Variants in COL19A1 observed in about 807,000 individuals in gnomAD.
COL19A1 encodes collagen type XIX alpha 1 chain, also known as collagen alpha-1(XIX) chain.
In COL19A1, 159 loss-of-function variants were observed where a neutral mutation model predicts 190.2. The observed-to-expected ratio is 0.84, with a 90% confidence interval of 0.73 to 0.95. The LOEUF is 0.95. Among genes scored for constraint, COL19A1 ranks in the 40% least tolerant of loss-of-function variants. The pLI is 0.00. For synonymous variants in COL19A1, 509 were observed against 458.9 expected (o/e 1.11, Z -1.39); for missense variants, 1,418 against 1,431.9 (o/e 0.99, Z 0.16).
At chr6:70,099,025 C>T (rs575676374) in intron 15 of COL19A1, among the ~76,000 whole-genome samples, 13 of 136,628 alleles carry the variant, frequency 9.5e-5, no homozygotes, top group Non-Finnish European at 1.8e-4. Context: ...AGTTCGAGAC[C>T]AGCCTGGGCA....
At chr6:70,089,713 C>T (rs948298553) in intron 15 of COL19A1, among the ~76,000 whole-genome samples, 6 of 152,076 alleles carry the variant, frequency 3.9e-5, no homozygotes, top group Non-Finnish European at 7.4e-5. Context: ...GAAAATTCAT[C>T]CTGACATGTT....
At chr6:70,059,943 G>C (rs960442853) in intron 14 of COL19A1, 1 of 337,016 alleles carries the variant, frequency 3.0e-6, no homozygotes, top group Non-Finnish European at 5.8e-6. Flanking sequence ...AAATCCACAG[G>C]CTATGCAAAT....
At position 70,055,781 on chromosome 6, in the gene COL19A1, TAAAAAAAA is replaced by T. The variant is rs55871207; in HGVS notation, c.1171-12625_1171-12618del. Among the ~76,000 whole-genome samples, 8 of 117,448 alleles carry T rather than the reference TAAAAAAAA, an allele frequency of 6.8e-5. No individual in the cohort carries two copies. In the East Asian group the frequency reaches 7.3e-4, roughly 11 times the overall value. The allele number at this position is 117,448 out of a possible 152,430, so 77.1% of individuals were successfully genotyped here. ...TGGGAGACAGAGCAAAACTCTGTAT[TAAAAAAAA>T]AAAAAAAAAAAAAAAATTCACATTT... On this transcript the variant is annotated intron_variant, in intron 14 of 50. Coordinates refer to ENST00000620364, the MANE Select transcript of COL19A1 (RefSeq NM_001858.6).
At chr6:70,176,177 G>C (rs1230017617) in intron 41 of COL19A1, among the ~76,000 whole-genome samples, 12 of 152,128 alleles carry the variant, frequency 7.9e-5, no homozygotes, top group Non-Finnish European at 1.5e-5. Flanking sequence ...CAAGAGTAAT[G>C]ATCTTTTGAA....
chr6:70,195,437 C>T (rs945298996), intron 48 of COL19A1, among the ~76,000 whole-genome samples: 8 of 152,168 alleles, frequency 5.3e-5, no homozygotes, highest in African/African-American at 1.4e-4. Context: ...TAAGTCTTTA[C>T]TCTCAGTCTG....
chr6:69,952,954 A>G lies in COL19A1; in HGVS notation c.937-7042A>G, dbSNP rs1774204946. ...TAATGCTTCAGAGACTCAGAAACTT[A>G]TAGGCAAGTAGTATAAAAGCTAGAG... On this transcript the variant is annotated intron_variant, in intron 9 of 50. Coordinates refer to ENST00000620364, the MANE Select transcript of COL19A1 (RefSeq NM_001858.6). 2.0e-5 allele frequency among the ~76,000 whole-genome samples: 3 copies of G among 152,146 alleles called. No homozygotes were observed. In the South Asian group the frequency reaches 6.2e-4, roughly 32 times the overall value.
Position 70,176,668 on chromosome 6 carries a change from C to T in COL19A1, c.2667+104C>T, listed in dbSNP as rs1172410056. 6.0e-6 allele frequency: 6 copies of T among 1,001,800 alleles called. No individual in the cohort carries two copies. The Admixed American group carries it at 1.6e-4, about 26-fold the overall frequency. The allele number at this position is 1,001,800 out of a possible 1,614,324, so 62.1% of individuals were successfully genotyped here. ...ACAGGCAGGAGAGCATACCATAACT[C>T]CCATGGCATTAGGTTCCTGACAATT... On this transcript the variant is annotated intron_variant, in intron 42 of 50. Coordinates refer to ENST00000620364, the MANE Select transcript of COL19A1 (RefSeq NM_001858.6).
At chr6:70,182,995 G>T (rs562927428) in intron 44 of COL19A1, among the ~76,000 whole-genome samples, 2 of 152,104 alleles carry the variant, frequency 1.3e-5, no homozygotes, top group Non-Finnish European at 2.9e-5. Context: ...GGTGAGAGGG[G>T]TCTCTTTTGT....
intron 16 of COL19A1, among the ~76,000 whole-genome samples, chr6:70,121,473 A>C (rs1350572920): frequency 1.3e-5 from 2 of 152,212 alleles, no homozygotes; most frequent in Admixed American, 1.3e-4. Context: ...TTCCCAATTT[A>C]CTAAGTTAAT....
At chr6:69,926,332 A>G (rs1772393452) in intron 4 of COL19A1, among the ~76,000 whole-genome samples, 1 of 152,204 alleles carries the variant, frequency 6.6e-6, no homozygotes, top group Non-Finnish European at 1.5e-5. Flanking sequence ...CATTAAACTT[A>G]CTTAACAATA....
chr6:69,928,131 T>A, intron 5 of COL19A1, 99 bp downstream of exon 5: 1 of 1,470,678 alleles, frequency 6.8e-7, no homozygotes. Flanking sequence ...AGATCTAGTA[T>A]CCAAATGTTC....
intron 8 of COL19A1, 120 bp from the exon 9 acceptor site, chr6:69,937,918 C>A: frequency 1.2e-6 from 1 of 859,008 alleles, no homozygotes; most frequent in Non-Finnish European, 1.8e-6. Flanking sequence ...TCACTCTAAG[C>A]ATCAGCTCAG....
chr6:70,022,452 G>A (rs1778467027), intron 11 of COL19A1, among the ~76,000 whole-genome samples: 1 of 152,174 alleles, frequency 6.6e-6, no homozygotes, highest in African/African-American at 2.4e-5. Context: ...TTCTCACAGT[G>A]TTGTTTCTAA....
At chr6:70,169,456 T>G (rs1042459931) in intron 40 of COL19A1, among the ~76,000 whole-genome samples, 1 of 152,130 alleles carries the variant, frequency 6.6e-6, no homozygotes, top group African/African-American at 2.4e-5. Flanking sequence ...TGAAAAAAAA[T>G]TTAAAGCCTT....
chr6:70,119,830 C>A (rs1784781141), intron 16 of COL19A1, among the ~76,000 whole-genome samples: 2 of 152,220 alleles, frequency 1.3e-5, no homozygotes, highest in Non-Finnish European at 2.9e-5. Flanking sequence ...CTGGCTCACG[C>A]CTGTAATACC....
chr6:70,098,064 C>G (rs116929968), intron 15 of COL19A1, among the ~76,000 whole-genome samples: 2,380 of 152,240 alleles, frequency 0.016, 31 homozygotes, highest in Middle Eastern at 0.041. Context: ...AACATTCCTC[C>G]CATTGGCATC....
intron 14 of COL19A1, among the ~76,000 whole-genome samples, chr6:70,043,650 GCAGGAA>G (rs1779751783): frequency 1.3e-5 from 2 of 152,214 alleles, no homozygotes; most frequent in African/African-American, 4.8e-5. Flanking sequence ...TTGTCAATGA[GCAGGAA>G]TATTTTGAAA....
intron 30 of COL19A1, among the ~76,000 whole-genome samples, chr6:70,150,411 G>A (rs1786979037): frequency 6.6e-6 from 1 of 152,240 alleles, no homozygotes; most frequent in African/African-American, 2.4e-5. Context: ...TTGCAGGTAA[G>A]TTGCCTACAA....
At chr6:70,073,237 C>T (rs778932295) in intron 15 of COL19A1, among the ~76,000 whole-genome samples, 4 of 152,104 alleles carry the variant, frequency 2.6e-5, no homozygotes, top group East Asian at 3.9e-4. Flanking sequence ...ATCCACGCTC[C>T]TTGGCCTACC....
Sources: gnomAD v4.1 joint callset for allele counts (sites outside exome capture counted in the v4.1 genomes callset) on GRCh38, gnomAD v4.1.1 for gene constraint, MANE v1.5 for transcripts, NCBI Gene and HGNC (gene_info 2026-07-23, HGNC 2026-07-21) for gene names.